PIK3C2B: variants seen among roughly 807,000 people sequenced by gnomAD.
PIK3C2B encodes phosphatidylinositol-4-phosphate 3-kinase catalytic subunit type 2 beta.
Under a neutral mutation model 184.3 loss-of-function variants are expected in PIK3C2B, and 83 were observed. The observed-to-expected ratio is 0.45, with a 90% confidence interval of 0.38 to 0.54. The LOEUF is 0.54. Among genes scored for constraint, PIK3C2B ranks in the 20% least tolerant of loss-of-function variants. The pLI is 0.00. For synonymous variants in PIK3C2B, 779 were observed against 837.6 expected (o/e 0.93, Z 1.21); for missense variants, 1,736 against 2,113.5 (o/e 0.82, Z 3.50).
chr1:204,427,681 T>C lies in PIK3C2B; in HGVS notation c.4554A>G (p.Lys1518=), dbSNP rs1297588158. 1.2e-6 allele frequency: 2 copies of C among 1,612,832 alleles called. No individual in the cohort carries two copies. Among genetic ancestry groups the C allele is most frequent in the Admixed American group, 3.3e-5 (2 of 59,954 alleles). Residue 1518 remains lysine, a synonymous_variant, in exon 31 of 33, where the codon AAA becomes AAG. Transcript: ENST00000684373. ...GAATATGCATCACCATGATGAAGAGTTTATTGTTTTTGTAGGAGATGGACA... is the reference window on the plus strand; with the variant it reads ...GAATATGCATCACCATGATGAAGAGCTTATTGTTTTTGTAGGAGATGGACA... ...VKLSISYKNN[K]LFIMVMHIRG...
intron 31 of PIK3C2B, 41 bp from the exon 32 acceptor site, chr1:204,425,782 A>G: frequency 6.3e-7 from 1 of 1,593,652 alleles, no homozygotes; most frequent in Non-Finnish European, 8.6e-7. Flanking sequence ...AAGATTTTTA[A>G]CATCTGTCTC....
rs145986965 is a variant in PIK3C2B, at chr1:204,437,957, G to A, written c.3516+978C>T. On this transcript the variant is annotated intron_variant, in intron 23 of 32. Transcript: ENST00000684373. ...GGTCATCAAGATACAGGTGGTAGTT[G>A]AAGTAATAAGAGGATGAGCTGGCAC... Among the ~76,000 whole-genome samples, 635 of 152,304 alleles carry A rather than the reference G, an allele frequency of 4.2e-3. 5 individuals carry two copies. Among genetic ancestry groups the A allele is most frequent in the African/African-American group, 0.014 (589 of 41,562 alleles).
In PIK3C2B at chr1:204,425,002, C is replaced by A. The variant is rs1674672152; in HGVS notation, c.4755G>T (p.Gln1585His). The A allele has an allele frequency of 1.1e-5, 18 of 1,614,102 alleles. No homozygotes were observed. The highest frequency in any genetic ancestry group is 1.5e-5 in the Non-Finnish European group (18 of 1,179,952). The change falls in exon 33 of 33, where the codon CAG (glutamine) becomes CAT (histidine). Residue 1585 changes from glutamine to histidine, a missense_variant. Physicochemically the swap from Gln to His is conservative, Grantham distance 24. Around this residue, in one of 8 missense-constraint regions of PIK3C2B, gnomAD observed 95 missense variants for 164.2 expected, o/e 0.58. Coordinates refer to ENST00000684373, the MANE Select transcript of PIK3C2B (RefSeq NM_001377334.1). The stretch of plus-strand genomic sequence containing the variant: ...TCAGCACGCTCAGCTGGAGCTCCCG[C>A]TGCTGCAGGTCACCCTTGGGGATCC... ...YDGIPKGDLQ[Q>H]RELQLSVLSE...
In PIK3C2B at chr1:204,423,543, C is replaced by T. The variant is rs1194786872; in HGVS notation, c.*1309G>A. 2.0e-5 allele frequency: 3 copies of T among 152,446 alleles called. No individual in the cohort carries two copies. Among genetic ancestry groups the T allele is most frequent in the Non-Finnish European group, 4.4e-5 (3 of 68,034 alleles). 9.4% of individuals were successfully genotyped at this position (152,446 alleles called of 1,614,324 possible). On this transcript the variant is annotated 3_prime_UTR_variant, in exon 33 of 33. Coordinates refer to ENST00000684373, the MANE Select transcript of PIK3C2B (RefSeq NM_001377334.1). ...TCTCCCTTCGGGCTCCTGAGCTTAG[C>T]TCCAGGGGAATAATCACCACTCCAA... is the stretch of plus-strand genomic sequence containing the variant.
In PIK3C2B at chr1:204,464,606, TG is replaced by T; in HGVS notation, c.1035-3del. On this transcript the variant is annotated splice_polypyrimidine_tract_variant and splice_region_variant and intron_variant, in intron 3 of 32. Coordinates refer to ENST00000684373, the MANE Select transcript of PIK3C2B (RefSeq NM_001377334.1). ...TGGATGTCAGAGCCAGATCGAAGGCTGTACAGGAAGAAAAAAAACCCTCACT... is the reference window on the plus strand; with the variant it reads ...TGGATGTCAGAGCCAGATCGAAGGCTTACAGGAAGAAAAAAAACCCTCACT... 6.2e-7 allele frequency: 1 copy of T among 1,612,784 alleles called. No individual in the cohort carries two copies. The highest frequency in any genetic ancestry group is 8.5e-7 in the Non-Finnish European group (1 of 1,179,546).
At chr1:204,481,279 T>TA (rs997744554) in intron 1 of PIK3C2B, among the ~76,000 whole-genome samples, 1 of 148,660 alleles carries the variant, frequency 6.7e-6, no homozygotes, top group African/African-American at 2.5e-5. Context: ...TTTTTTTTTT[T>TA]TTTTTTTGAG....
rs17847754 is a variant in PIK3C2B at position 204,449,236 on chromosome 1, G to A, written c.2295C>T (p.Ser765=). 8.5e-3 allele frequency: 13,733 copies of A among 1,612,980 alleles called. 432 individuals are homozygous for A. In the East Asian group the frequency reaches 0.12, roughly 14 times the overall value. The part of the protein sequence containing the change: ...GLWPATQENP[S]ARWSAPNFHQ... ...GGAAATTAGGTGCACTCCAACGGGC[G>A]CTGGGATTTTCCTGTGTTGCTGGCC... The change falls in exon 14 of 33, where the codon AGC becomes AGT. Residue 765 remains serine (S), a synonymous_variant. Coordinates refer to ENST00000684373, the MANE Select transcript of PIK3C2B (RefSeq NM_001377334.1).
At position 204,431,802 on chromosome 1, in the gene PIK3C2B, G is replaced by T. The variant is rs750308313; in HGVS notation, c.4156-9C>A. 6.2e-7 allele frequency: 1 copy of T among 1,614,126 alleles called. No homozygotes were observed. Among genetic ancestry groups the T allele is most frequent in the Non-Finnish European group, 8.5e-7 (1 of 1,180,006 alleles). ...ACCTTTACCACATATATCTGCAAAG[G>T]TCCAGATCTTAGGGTGTACCTGCCG... On this transcript the variant is annotated splice_polypyrimidine_tract_variant and intron_variant, in intron 27 of 32. Transcript: ENST00000684373.
chr1:204,447,606 A>C lies in PIK3C2B; in HGVS notation c.2347-28T>G. 1 of 1,578,700 alleles carries C rather than the reference A, an allele frequency of 6.3e-7. No homozygotes were observed. The highest frequency in any genetic ancestry group is 2.2e-5 in the East Asian group (1 of 44,632). On this transcript the variant is annotated intron_variant, in intron 14 of 32. Coordinates refer to ENST00000684373, the MANE Select transcript of PIK3C2B (RefSeq NM_001377334.1). This position sits in a 1 kb window ranked among gnomAD's most constrained non-coding sequence, Gnocchi z 4.1. ...GGGGGATGAGATCAGGGATGTGAGG[A>C]GAGAAAACAGGCAGCGTGTGTGGAC...
At chr1:204,489,603 G>A (rs995563292) in intron 1 of PIK3C2B, among the ~76,000 whole-genome samples, 6 of 151,838 alleles carry the variant, frequency 4.0e-5, no homozygotes, top group African/African-American at 1.5e-4. Context: ...CCCTTTTCTT[G>A]GTGAGAATTA....
chr1:204,452,740 G>A (rs576375069), intron 12 of PIK3C2B, among the ~76,000 whole-genome samples: 3 of 142,054 alleles, frequency 2.1e-5, no homozygotes, highest in African/African-American at 2.6e-5. Flanking sequence ...CTGCAGCCTC[G>A]ACCTCCCAGG....
rs1051994571 is a variant in PIK3C2B, at chr1:204,457,964, G to T, written c.1567-90C>A. 8 of 1,148,038 alleles carry T rather than the reference G, an allele frequency of 7.0e-6. No homozygotes were observed. In the Middle Eastern group the frequency reaches 1.1e-3, roughly 161 times the overall value. 71.1% of individuals were successfully genotyped at this position (1,148,038 alleles called of 1,614,324 possible). On this transcript the variant is annotated intron_variant, in intron 8 of 32. Transcript: ENST00000684373. Reference sequence around the variant, plus strand: ...CCCACCCCAGTCTTTAAAGGAAAGGGTTGGGAAGAGTAGAGAGATTCATGA... The same window carrying T: ...CCCACCCCAGTCTTTAAAGGAAAGGTTTGGGAAGAGTAGAGAGATTCATGA...
intron 11 of PIK3C2B, among the ~76,000 whole-genome samples, chr1:204,455,507 C>T (rs531289723): frequency 2.9e-3 from 438 of 152,264 alleles, no homozygotes; most frequent in Non-Finnish European, 3.9e-3. Flanking sequence ...CCACCCCCTC[C>T]CACTGGCCAG....
chr1:204,470,747 G>C (rs1458275662), intron 1 of PIK3C2B, among the ~76,000 whole-genome samples: 1 of 152,242 alleles, frequency 6.6e-6, no homozygotes, highest in Non-Finnish European at 1.5e-5. Flanking sequence ...TCCATCAACA[G>C]TGAATGGATT....
intron 28 of PIK3C2B, among the ~76,000 whole-genome samples, chr1:204,430,423 G>A (rs1321041267): frequency 2.6e-5 from 4 of 151,542 alleles, no homozygotes; most frequent in Non-Finnish European, 5.9e-5. Context: ...TCGGCTCACT[G>A]CAACCTCCAC....
At chr1:204,482,791 A>G (rs1448432359) in intron 1 of PIK3C2B, among the ~76,000 whole-genome samples, 1 of 151,952 alleles carries the variant, frequency 6.6e-6, no homozygotes, top group Admixed American at 6.6e-5. Flanking sequence ...GAGAAACAAG[A>G]TATTCTCCAA....
chr1:204,442,783 A>C (rs1475290611), intron 19 of PIK3C2B, 150 bp from the exon 20 acceptor site: 1 of 600,720 alleles, frequency 1.7e-6, no homozygotes, highest in East Asian at 2.8e-5. Context: ...CTTAAGGAGG[A>C]GGACCCCCTA....
intron 12 of PIK3C2B, among the ~76,000 whole-genome samples, chr1:204,453,352 T>A (rs1309067616): frequency 6.6e-6 from 1 of 152,248 alleles, no homozygotes; most frequent in African/African-American, 2.4e-5. Flanking sequence ...TTTGCTTGGC[T>A]GACGCCTACC....
intron 5 of PIK3C2B, among the ~76,000 whole-genome samples, chr1:204,463,068 G>C (rs1655463375): frequency 6.6e-6 from 1 of 152,084 alleles, no homozygotes; most frequent in African/African-American, 2.4e-5. Flanking sequence ...CTCAAAAAAA[G>C]AAAGAAGTCC....
Sources: allele counts gnomAD v4.1 joint callset (sites outside exome capture counted in the v4.1 genomes callset), GRCh38; gene constraint gnomAD v4.1.1; regional missense constraint gnomAD v4.1.1; non-coding constraint Gnocchi (gnomAD v3.1); transcripts MANE v1.5; gene names NCBI Gene and HGNC (gene_info 2026-07-23, HGNC 2026-07-21).